The following TSPAN12 variants were observed in gnomAD, a reference collection of about 807,000 sequenced individuals.
TSPAN12 encodes tetraspanin 12, also known as tetraspanin-12.
TSPAN12 carries 19 observed loss-of-function variants against 39.2 expected under a neutral mutation model. The observed-to-expected ratio is 0.49, with a 90% confidence interval of 0.34 to 0.71. The LOEUF (loss-of-function observed/expected upper bound fraction) is 0.71. Among genes scored for constraint, TSPAN12 ranks in the 30% least tolerant of loss-of-function variants. The pLI, the probability that TSPAN12 is intolerant of heterozygous loss-of-function variation, is 0.01. For synonymous variants in TSPAN12, 119 were observed against 124.8 expected (o/e 0.95, Z 0.31); for missense variants, 314 against 359.9 (o/e 0.87, Z 1.03).
intron 4 of TSPAN12, among the ~76,000 whole-genome samples, chr7:120,837,988 C>T (rs190099656): frequency 0.026 from 4,022 of 152,204 alleles, 173 homozygotes; most frequent in African/African-American, 0.092. Context: ...TGTTTAAGTT[C>T]TTTATATGAA....
chr7:120,847,470 C>T (rs1290455984), intron 2 of TSPAN12, among the ~76,000 whole-genome samples: 1 of 152,168 alleles, frequency 6.6e-6, no homozygotes, highest in Non-Finnish European at 1.5e-5. Context: ...TCAATTTCAA[C>T]ATCTCTAACA....
In TSPAN12 at chr7:120,856,844, CG is replaced by C; in HGVS notation, c.-70-12del. 6.8e-7 allele frequency: 1 copy of C among 1,464,226 alleles called. No individual in the cohort carries two copies. The highest frequency in any genetic ancestry group is 9.6e-7 in the Non-Finnish European group (1 of 1,046,066). The allele number at this position is 1,464,226 out of a possible 1,614,324, so 90.7% of individuals were successfully genotyped here. On this transcript the variant is annotated splice_polypyrimidine_tract_variant and intron_variant, in intron 1 of 7. Coordinates refer to ENST00000222747, the MANE Select transcript of TSPAN12 (RefSeq NM_012338.4). ...CAAAACGGCAGCGATCTGCAGGGGG[CG>C]GGGGAGAGAGAACACGGGACATCTC... is the stretch of plus-strand genomic sequence containing the variant.
Position 120,840,608 on chromosome 7 carries a change from G to A in TSPAN12, c.67-499C>T, listed in dbSNP as rs568847488. Among the ~76,000 whole-genome samples, 25 of 152,186 alleles carry A rather than the reference G, an allele frequency of 1.6e-4. 1 individual carries two copies. Among genetic ancestry groups the A allele is most frequent in the Middle Eastern group, 6.8e-3 (2 of 294 alleles). On this transcript the variant is annotated intron_variant, in intron 2 of 7. Transcript: ENST00000222747. ...AATGTAATCCTTTGATTCATAAAGC[G>A]CTAAAGTATATAAACTCATACACAT... is the stretch of plus-strand genomic sequence containing the variant.
intron 2 of TSPAN12, among the ~76,000 whole-genome samples, chr7:120,853,090 A>ATTT (rs11431943): frequency 3.2e-4 from 45 of 142,008 alleles, no homozygotes; most frequent in Middle Eastern, 3.7e-3. Context: ...ATCCCAGCAG[A>ATTT]TTTTTTTTTT....
At chr7:120,823,605 G>C (rs770570785) in intron 4 of TSPAN12, among the ~76,000 whole-genome samples, 1 of 152,122 alleles carries the variant, frequency 6.6e-6, no homozygotes, top group Non-Finnish European at 1.5e-5. Context: ...GGCACAGCAG[G>C]AAAGGGTGCC....
intron 2 of TSPAN12, among the ~76,000 whole-genome samples, chr7:120,852,456 G>A (rs1216863343): frequency 6.6e-6 from 1 of 152,196 alleles, no homozygotes; most frequent in African/African-American, 2.4e-5. Flanking sequence ...TAATTCCCAT[G>A]AGAACTAAAA....
intron 2 of TSPAN12, among the ~76,000 whole-genome samples, chr7:120,841,890 T>C (rs1245303788): frequency 6.6e-6 from 1 of 152,218 alleles, no homozygotes; most frequent in Non-Finnish European, 1.5e-5. Context: ...TTAAATTTTT[T>C]CATTATTAAG....
chr7:120,853,884 A>AGAAAG (rs1349413105), intron 2 of TSPAN12, among the ~76,000 whole-genome samples: 7 of 147,870 alleles, frequency 4.7e-5, no homozygotes, highest in African/African-American at 1.7e-4. Flanking sequence ...AAAAAAAAAA[A>AGAAAG]AAAAGAAAAG....
intron 4 of TSPAN12, among the ~76,000 whole-genome samples, chr7:120,829,680 T>C (rs1794354935): frequency 6.6e-6 from 1 of 152,152 alleles, no homozygotes. Flanking sequence ...TATTCACAGG[T>C]GGAATGAACA....
In TSPAN12 at chr7:120,787,334, ATATT is replaced by A. The variant is rs1246353045; in HGVS notation, c.*1254_*1257del. ...GAGACAAATCATTACTCTCTAGAAA[ATATT>A]TATTGACACATTTTAATTTTCTTTC... On this transcript the variant is annotated 3_prime_UTR_variant, in exon 8 of 8. Coordinates refer to ENST00000222747, the MANE Select transcript of TSPAN12 (RefSeq NM_012338.4). 1.3e-5 allele frequency: 2 copies of A among 152,584 alleles called. No individual in the cohort carries two copies. Among genetic ancestry groups the A allele is most frequent in the Non-Finnish European group, 2.9e-5 (2 of 67,998 alleles). 9.5% of individuals were successfully genotyped at this position (152,584 alleles called of 1,614,324 possible). A position where few individuals can be genotyped will look rare whatever the true frequency, so the allele number is the denominator to read the frequency against.
At chr7:120,829,722 T>C (rs1794356252) in intron 4 of TSPAN12, among the ~76,000 whole-genome samples, 1 of 152,330 alleles carries the variant, frequency 6.6e-6, no homozygotes. Context: ...GAAAAATACC[T>C]GACTTTGAAC....
intron 2 of TSPAN12, among the ~76,000 whole-genome samples, chr7:120,848,643 T>C (rs182435721): frequency 3.0e-4 from 45 of 152,338 alleles, no homozygotes; most frequent in African/African-American, 8.7e-4. Context: ...ATGTTTTTTT[T>C]CACAGGAGTA....
intron 6 of TSPAN12, among the ~76,000 whole-genome samples, chr7:120,809,191 T>C (rs537633740): frequency 1.3e-4 from 20 of 152,180 alleles, no homozygotes; most frequent in African/African-American, 4.6e-4. Flanking sequence ...AAGTGTGCTA[T>C]CATTTGCAGT....
chr7:120,814,012 C>G (rs962871373), intron 5 of TSPAN12: 34 of 287,446 alleles, frequency 1.2e-4, no homozygotes, highest in Non-Finnish European at 2.1e-5. Flanking sequence ...TACTTAGTGC[C>G]GTTGTACATT....
chr7:120,813,388 C>T (rs1794019596), intron 5 of TSPAN12, among the ~76,000 whole-genome samples: 2 of 152,204 alleles, frequency 1.3e-5, no homozygotes, highest in South Asian at 4.1e-4. Context: ...ACCTATTTAG[C>T]ACTGCAGGAC....
chr7:120,854,411 A>C (rs1241884239), intron 2 of TSPAN12, among the ~76,000 whole-genome samples: 1 of 152,216 alleles, frequency 6.6e-6, no homozygotes, highest in East Asian at 1.9e-4. Context: ...TAATAACTGC[A>C]ATACTGCTAT....
At chr7:120,804,213 A>G (rs1017596051) in intron 7 of TSPAN12, among the ~76,000 whole-genome samples, 1 of 152,164 alleles carries the variant, frequency 6.6e-6, no homozygotes, top group African/African-American at 2.4e-5. Context: ...ACTATACTGT[A>G]GCCATCTGTT....
At chr7:120,832,504 C>T (rs532424821) in intron 4 of TSPAN12, among the ~76,000 whole-genome samples, 5 of 152,154 alleles carry the variant, frequency 3.3e-5, no homozygotes, top group East Asian at 3.9e-4. Context: ...CTTCCTTCCT[C>T]GTCTCCACCG....
rs775087768 is a variant in TSPAN12 at position 120,815,704 on chromosome 7, G to GT, written c.360+24dup. On this transcript the variant is annotated intron_variant, in intron 5 of 7. Transcript: ENST00000222747. ...AAAGGCTGAACTGTTGTTTTAGATT[G>GT]TGATTATATCTATTTTGAACTCACC... 41 of 1,594,634 alleles carry GT rather than the reference G, an allele frequency of 2.6e-5. No individual in the cohort carries two copies. In the Admixed American group the frequency reaches 3.0e-4, roughly 12 times the overall value.
Sources: gnomAD v4.1 joint callset for allele counts (sites outside exome capture counted in the v4.1 genomes callset) on GRCh38, gnomAD v4.1.1 for gene constraint, MANE v1.5 for transcripts, NCBI Gene and HGNC (gene_info 2026-07-23, HGNC 2026-07-21) for gene names.